The following TMC2 variants were observed in gnomAD, a reference collection of about 807,000 sequenced individuals.
TMC2 encodes transmembrane channel-like protein 2.
TMC2 carries 102 observed loss-of-function variants against 105.9 expected under a neutral mutation model. That is an observed-to-expected ratio of 0.96 (90% confidence interval 0.82 to 1.14). The LOEUF (loss-of-function observed/expected upper bound fraction) is 1.14, where lower values mean the gene tolerates loss of function less well. Ranked by LOEUF, TMC2 falls within the 50% of genes most tolerant of loss-of-function variation. The pLI is 0.00. For missense variants in TMC2, 1,093 were observed against 1,134.3 expected, an observed-to-expected ratio of 0.96 and a Z score of 0.52; for synonymous variants, 402 against 422.8, an observed-to-expected ratio of 0.95 and a Z score of 0.60.
intron 4 of TMC2, among the ~76,000 whole-genome samples, chr20:2,566,297 TA>T (rs558022407): frequency 2.0e-5 from 3 of 152,198 alleles, no homozygotes; most frequent in Non-Finnish European, 2.9e-5. Flanking sequence ...AATATGCAAT[TA>T]AAAAATAGCG....
chr20:2,640,726 G>C (rs2086681967), intron 19 of TMC2, among the ~76,000 whole-genome samples: 1 of 152,210 alleles, frequency 6.6e-6, no homozygotes, highest in African/African-American at 2.4e-5. Context: ...TGGAGTTAGA[G>C]GAGGGGAAGG....
At chr20:2,552,597 T>C (rs1286960203) in intron 2 of TMC2, among the ~76,000 whole-genome samples, 1 of 152,136 alleles carries the variant, frequency 6.6e-6, no homozygotes. Context: ...CTCACTGCAA[T>C]GTCCACCTCA....
At chr20:2,571,461 C>T (rs2086102050) in intron 4 of TMC2, among the ~76,000 whole-genome samples, 1 of 152,122 alleles carries the variant, frequency 6.6e-6, no homozygotes, top group Non-Finnish European at 1.5e-5. Flanking sequence ...CACCATCTTC[C>T]ACCAGTCAGA....
At chr20:2,575,968 A>G (rs751270014) in intron 5 of TMC2, among the ~76,000 whole-genome samples, 1 of 152,066 alleles carries the variant, frequency 6.6e-6, no homozygotes, top group South Asian at 2.1e-4. Flanking sequence ...TATTTATTGC[A>G]TCCTATTAGG....
intron 16 of TMC2, among the ~76,000 whole-genome samples, chr20:2,621,136 G>A (rs1260295434): frequency 6.6e-6 from 1 of 152,134 alleles, no homozygotes. Context: ...GCTGAGGCGG[G>A]CAGATCACGA....
intron 11 of TMC2, among the ~76,000 whole-genome samples, chr20:2,608,408 A>T (rs1268554090): frequency 6.6e-6 from 1 of 150,526 alleles, no homozygotes; most frequent in Non-Finnish European, 1.5e-5. Context: ...GTTCACTGCA[A>T]CCTCCGCCTC....
At chr20:2,559,070 G>A (rs1001541519) in intron 3 of TMC2, among the ~76,000 whole-genome samples, 3 of 152,024 alleles carry the variant, frequency 2.0e-5, no homozygotes, top group Non-Finnish European at 4.4e-5. Context: ...GGCGGGGCGC[G>A]GGTGGAGAGG....
intron 4 of TMC2, among the ~76,000 whole-genome samples, chr20:2,565,015 C>T (rs771511119): frequency 2.6e-5 from 4 of 152,196 alleles, no homozygotes; most frequent in South Asian, 2.1e-4. Flanking sequence ...TTGTAAGACT[C>T]GGGCCAAGTG....
At chr20:2,604,568 G>A (rs2086375351) in intron 11 of TMC2, among the ~76,000 whole-genome samples, 1 of 152,168 alleles carries the variant, frequency 6.6e-6, no homozygotes, top group African/African-American at 2.4e-5. Flanking sequence ...AATCTCTAAA[G>A]TGATCAGTGT....
chr20:2,624,250 T>A, intron 16 of TMC2, 21 bp from the exon 17 acceptor site: 7 of 1,612,342 alleles, frequency 4.3e-6, no homozygotes, highest in Non-Finnish European at 5.9e-6. Flanking sequence ...CATGTTATAT[T>A]GTGTCCTCTC....
chr20:2,587,210 C>T (rs1395250257), intron 7 of TMC2, among the ~76,000 whole-genome samples: 5 of 151,972 alleles, frequency 3.3e-5, no homozygotes, highest in Non-Finnish European at 7.4e-5. Flanking sequence ...AAATCTCCTG[C>T]CATTGTCTTC....
chr20:2,598,893 G>C (rs1350824784), intron 10 of TMC2, among the ~76,000 whole-genome samples: 2 of 151,562 alleles, frequency 1.3e-5, no homozygotes, highest in African/African-American at 4.9e-5. Flanking sequence ...AGTTCCATGA[G>C]ATAAAAAAAG....
intron 2 of TMC2, among the ~76,000 whole-genome samples, chr20:2,554,155 T>C (rs1239058016): frequency 6.6e-6 from 1 of 152,202 alleles, no homozygotes; most frequent in African/African-American, 2.4e-5. Flanking sequence ...CCCAAAGTGC[T>C]GGGATTACAG....
intron 1 of TMC2, 39 bp downstream of exon 1, chr20:2,536,694 G>A (rs1438758696): frequency 6.4e-7 from 1 of 1,560,038 alleles, no homozygotes; most frequent in Admixed American, 1.9e-5. Context: ...CCGCCCACAG[G>A]GTTCCTGGGC....
chr20:2,587,086 T>G (rs2086236834), intron 7 of TMC2, among the ~76,000 whole-genome samples: 1 of 152,178 alleles, frequency 6.6e-6, no homozygotes, highest in Non-Finnish European at 1.5e-5. Flanking sequence ...TATGGTTAAT[T>G]TTCCTAAATT....
At position 2,592,083 on chromosome 20, in the gene TMC2, C is replaced by T. The variant is rs1468208718; in HGVS notation, c.835-227C>T. 6.6e-6 allele frequency among the ~76,000 whole-genome samples: 1 copy of T among 152,020 alleles called. No individual in the cohort carries two copies. Among genetic ancestry groups the T allele is most frequent in the African/African-American group, 2.4e-5 (1 of 41,380 alleles). ...AGGAGAATCACTTGAACCTGGGAGG[C>T]GGAGGTTACAGTAAGCTGAGACTGT... On this transcript the variant is annotated intron_variant, in intron 7 of 19. Transcript: ENST00000358864. This position sits in a 1 kb window ranked among gnomAD's most constrained non-coding sequence, Gnocchi z 4.9.
At position 2,597,166 on chromosome 20, in the gene TMC2, C is replaced by T. The variant is rs2086314275; in HGVS notation, c.1092C>T (p.Thr364=). 6 of 1,613,998 alleles carry T rather than the reference C, an allele frequency of 3.7e-6. No homozygotes were observed. Among genetic ancestry groups the T allele is most frequent in the Non-Finnish European group, 5.1e-6 (6 of 1,179,930 alleles). Residue 364 remains threonine (T), a synonymous_variant, in exon 10 of 20, where the codon ACC becomes ACT. Coordinates refer to ENST00000358864, the MANE Select transcript of TMC2 (RefSeq NM_080751.3). ...TGCCCTACAGGATGGCCAGCAATAC[C>T]CAAGGAAGCACAGGCGAAGGGGAGA... ...IIVIRSMASN[T]QGSTGEGESD... is the part of the protein sequence containing the mutation.
At chr20:2,594,759 G>A in intron 8 of TMC2, 66 bp from the exon 9 acceptor site, 1 of 1,530,860 alleles carries the variant, frequency 6.5e-7, no homozygotes, top group Non-Finnish European at 8.9e-7. Flanking sequence ...TGGTAGAGTA[G>A]ACATGTCTGG....
At chr20:2,548,999 C>G (rs2085941135) in intron 2 of TMC2, among the ~76,000 whole-genome samples, 1 of 152,154 alleles carries the variant, frequency 6.6e-6, no homozygotes, top group African/African-American at 2.4e-5. Flanking sequence ...TGAAATTAAA[C>G]ATAATAAATT....
Sources: allele counts gnomAD v4.1 joint callset (sites outside exome capture counted in the v4.1 genomes callset), GRCh38; gene constraint gnomAD v4.1.1; non-coding constraint Gnocchi (gnomAD v3.1); transcripts MANE v1.5; gene names NCBI Gene and HGNC (gene_info 2026-07-23, HGNC 2026-07-21).